The following EXOC6 variants were observed in gnomAD, a reference collection of about 807,000 sequenced individuals.
The protein encoded by EXOC6 is exocyst complex component 6, also known as SEC15-like 1.
A neutral mutation model predicts 112.5 loss-of-function variants in EXOC6; 60 were observed. That is an observed-to-expected ratio of 0.53 (90% CI 0.43 to 0.66). The LOEUF (loss-of-function observed/expected upper bound fraction) is 0.66, where lower values mean the gene tolerates loss of function less well. Among genes scored for constraint, EXOC6 ranks in the 30% least tolerant of loss-of-function variants. EXOC6 has a pLI of 0.00. For synonymous variants in EXOC6, 295 were observed against 308.0 expected, an observed-to-expected ratio of 0.96 and a Z score of 0.44; for missense variants, 855 against 957.1, an observed-to-expected ratio of 0.89 and a Z score of 1.41.
chr10:93,048,873 A>G (rs1233613995), intron 20 of EXOC6, among the ~76,000 whole-genome samples: 1 of 152,034 alleles, frequency 6.6e-6, no homozygotes, highest in Non-Finnish European at 1.5e-5. Flanking sequence ...TAAATATTTT[A>G]TCCCAATTGC....
intron 1 of EXOC6, among the ~76,000 whole-genome samples, chr10:92,857,630 T>G (rs1192057558): frequency 6.6e-6 from 1 of 152,232 alleles, no homozygotes; most frequent in Non-Finnish European, 1.5e-5. Flanking sequence ...TTGTATTACA[T>G]ATATTCTATA....
intron 1 of EXOC6, among the ~76,000 whole-genome samples, chr10:92,843,225 C>T (rs1186865628): frequency 6.6e-6 from 1 of 152,156 alleles, no homozygotes; most frequent in Non-Finnish European, 1.5e-5. Flanking sequence ...GGAATCCTCC[C>T]AGACCAGCTG....
chr10:92,893,258 G>A (rs1849594758), intron 1 of EXOC6, 91 bp from the exon 2 acceptor site: 8 of 905,252 alleles, frequency 8.8e-6, no homozygotes, highest in Non-Finnish European at 1.3e-5. Context: ...TATTTGTTCA[G>A]AGATTTAATT....
At chr10:92,886,167 C>T (rs1849204870) in intron 1 of EXOC6, among the ~76,000 whole-genome samples, 1 of 152,158 alleles carries the variant, frequency 6.6e-6, no homozygotes, top group African/African-American at 2.4e-5. Flanking sequence ...CAACTAGGCT[C>T]AAAGAGTGAG....
At chr10:92,896,181 ATTTTTTTTT>A (rs58783356) in intron 4 of EXOC6, among the ~76,000 whole-genome samples, 19 of 10,228 alleles carry the variant, frequency 1.9e-3, no homozygotes, top group African/African-American at 2.8e-3. Context: ...ATATATATAT[ATTTTTTTTT>A]TTTTTTTTTT....
intron 19 of EXOC6, among the ~76,000 whole-genome samples, chr10:93,008,492 T>C (rs1844096488): frequency 6.6e-6 from 1 of 152,076 alleles, no homozygotes; most frequent in Non-Finnish European, 1.5e-5. Flanking sequence ...TTAAAGATGG[T>C]CCAAGGGAGG....
chr10:92,971,671 T>C (rs1371416996), intron 17 of EXOC6, among the ~76,000 whole-genome samples: 1 of 152,194 alleles, frequency 6.6e-6, no homozygotes, highest in South Asian at 2.1e-4. Flanking sequence ...TCACTTATTG[T>C]ACTTTTTAAT....
chr10:92,835,076 C>A (rs548950680), intron 1 of EXOC6, among the ~76,000 whole-genome samples: 2 of 152,092 alleles, frequency 1.3e-5, no homozygotes, highest in Non-Finnish European at 2.9e-5. Flanking sequence ...CAAAAAGGAC[C>A]TCAATCACCT....
At chr10:92,849,957 A>G (rs1452760357) in intron 1 of EXOC6, among the ~76,000 whole-genome samples, 4 of 148,814 alleles carry the variant, frequency 2.7e-5, no homozygotes, top group Non-Finnish European at 6.1e-5. Context: ...TTGTCACATA[A>G]GGTTTCTGCT....
chr10:92,894,792 AG>A lies in EXOC6; in HGVS notation c.274del, dbSNP rs1421432684. 1 of 1,613,122 alleles carries A rather than the reference AG, an allele frequency of 6.2e-7. No individual in the cohort carries two copies. The highest frequency in any genetic ancestry group is 1.1e-5 in the South Asian group (1 of 90,970). On this transcript the variant is annotated splice_acceptor_variant, in intron 2 of 21. Coordinates refer to ENST00000260762, the MANE Select transcript of EXOC6 (RefSeq NM_019053.6). LOFTEE classifies it high-confidence loss of function. ...TAACTAAGGTGAAATTAAATTTTTA[AG>A]GTGCAAGTTACTGATACCAACCGAA...
At chr10:93,037,182 G>T (rs531840412) in intron 20 of EXOC6, among the ~76,000 whole-genome samples, 8 of 139,664 alleles carry the variant, frequency 5.7e-5, no homozygotes, top group East Asian at 4.1e-4. Flanking sequence ...TTTCTCTGTC[G>T]CCCAGGCTGG....
chr10:92,995,450 G>A (rs1843444744), intron 18 of EXOC6, among the ~76,000 whole-genome samples: 1 of 152,130 alleles, frequency 6.6e-6, no homozygotes, highest in Non-Finnish European at 1.5e-5. Context: ...ATCAGCTTTT[G>A]TAGTTAGTAC....
At chr10:92,834,774 T>A (rs760187813) in exon 1 of EXOC6, 1 of 1,610,748 alleles carries the variant, frequency 6.2e-7, no homozygotes, top group Non-Finnish European at 8.5e-7. Context: ...CCTATGAGAA[T>A]GTCCTGGCTG....
At chr10:92,882,331 G>T (rs1767142694) in intron 1 of EXOC6, among the ~76,000 whole-genome samples, 4 of 152,056 alleles carry the variant, frequency 2.6e-5, no homozygotes, top group Non-Finnish European at 1.5e-5. Context: ...ATCATCTGAG[G>T]TCAGGAGTTC....
chr10:92,898,999 T>G (rs1849995324), intron 4 of EXOC6, among the ~76,000 whole-genome samples: 1 of 152,206 alleles, frequency 6.6e-6, no homozygotes, highest in African/African-American at 2.4e-5. Flanking sequence ...TTGCATTCCT[T>G]TCTATCAAAC....
chr10:92,933,729 G>T (rs1180250017), intron 9 of EXOC6, among the ~76,000 whole-genome samples: 1 of 152,146 alleles, frequency 6.6e-6, no homozygotes, highest in Non-Finnish European at 1.5e-5. Flanking sequence ...TTTGGCAGAA[G>T]ATATAATCTG....
chr10:92,933,498 C>T (rs1050670834), intron 9 of EXOC6, among the ~76,000 whole-genome samples: 4 of 152,046 alleles, frequency 2.6e-5, no homozygotes, highest in East Asian at 1.9e-4. Flanking sequence ...TAAGCTAAAA[C>T]GTATTAATAA....
intron 5 of EXOC6, 81 bp downstream of exon 5, chr10:92,899,725 T>G: frequency 1.9e-6 from 2 of 1,042,374 alleles, no homozygotes; most frequent in Non-Finnish European, 2.9e-6. Flanking sequence ...CTATAAATCA[T>G]AGTGAATCAT....
chr10:93,019,818 C>T (rs906234373), intron 20 of EXOC6, among the ~76,000 whole-genome samples: 2 of 152,202 alleles, frequency 1.3e-5, no homozygotes, highest in Non-Finnish European at 2.9e-5. Context: ...TCACCCAGTT[C>T]ATACCGATAT....
Sources: gnomAD v4.1 joint callset for allele counts (sites outside exome capture counted in the v4.1 genomes callset) on GRCh38, gnomAD v4.1.1 for gene constraint, MANE v1.5 for transcripts, NCBI Gene and HGNC (gene_info 2026-07-23, HGNC 2026-07-21) for gene names.